The following KDM4B variants were observed in gnomAD, a reference collection of about 807,000 sequenced individuals.
KDM4B encodes lysine demethylase 4B.
KDM4B carries 32 observed loss-of-function variants against 125.2 expected under a neutral mutation model. The observed-to-expected ratio is 0.26, with a 90% CI of 0.19 to 0.34. The LOEUF is 0.34. Among genes scored for constraint, KDM4B ranks in the 10% least tolerant of loss-of-function variants. KDM4B has a pLI of 1.00. For synonymous variants in KDM4B, 721 were observed against 677.9 expected (o/e 1.06, Z -0.99); for missense variants, 1,190 against 1,577.7 (o/e 0.75, Z 4.16).
At chr19:4,991,151 C>T (rs1437718541) in intron 1 of KDM4B, among the ~76,000 whole-genome samples, 1 of 151,938 alleles carries the variant, frequency 6.6e-6, no homozygotes, top group Non-Finnish European at 1.5e-5. Context: ...AAAATAAAAA[C>T]ACTGTTATGG....
At chr19:5,047,862 C>G (rs1372970923) in intron 6 of KDM4B, among the ~76,000 whole-genome samples, 193 bp downstream of exon 6, 2 of 152,172 alleles carry the variant, frequency 1.3e-5, no homozygotes, top group Non-Finnish European at 2.9e-5. Context: ...ATGTGCACCC[C>G]CAGAGCCGAA....
At position 5,055,245 on chromosome 19, in the gene KDM4B, C is replaced by T. The variant is rs547329539; in HGVS notation, c.626+7576C>T. Reference sequence around the variant, plus strand: ...GGTGACCGGGAAACCCGGGGCACATCGGGGCACTCACCGGGGCTCCCACCG... The same window carrying T: ...GGTGACCGGGAAACCCGGGGCACATTGGGGCACTCACCGGGGCTCCCACCG... On this transcript the variant is annotated intron_variant, in intron 6 of 22. Transcript: ENST00000159111. Among the ~76,000 whole-genome samples, 76 of 152,326 alleles carry T rather than the reference C, an allele frequency of 5.0e-4. No homozygotes were observed. The South Asian group carries it at 8.3e-3, about 17-fold the overall frequency.
At chr19:5,021,335 C>A (rs1037708482) in intron 2 of KDM4B, among the ~76,000 whole-genome samples, 7 of 151,582 alleles carry the variant, frequency 4.6e-5, no homozygotes, top group African/African-American at 1.7e-4. Context: ...ATGCCTGTAA[C>A]CCCAGCACTT....
At chr19:5,131,638 G>GT in intron 12 of KDM4B, 93 bp downstream of exon 12, 1 of 634,920 alleles carries the variant, frequency 1.6e-6, no homozygotes, top group African/African-American at 1.9e-5. Flanking sequence ...GCTGGTGGCG[G>GT]GGGAGGGGGC....
At chr19:4,979,058 G>A (rs2034551190) in intron 1 of KDM4B, among the ~76,000 whole-genome samples, 1 of 152,166 alleles carries the variant, frequency 6.6e-6, no homozygotes, top group Non-Finnish European at 1.5e-5. Context: ...TGAGGTGGGA[G>A]GATCGGTGGA....
At chr19:5,044,946 T>C (rs1423130127) in intron 5 of KDM4B, among the ~76,000 whole-genome samples, 2 of 152,210 alleles carry the variant, frequency 1.3e-5, no homozygotes, top group Non-Finnish European at 2.9e-5. Context: ...TTTTCAGCGC[T>C]GAATAATACT....
intron 7 of KDM4B, chr19:5,076,127 T>A (rs1438144612): frequency 8.9e-6 from 1 of 112,132 alleles, no homozygotes; most frequent in African/African-American, 3.6e-5. Context: ...TCGTGCTCTC[T>A]CGTTGACCGA....
At chr19:5,014,513 G>C (rs1040044636) in intron 1 of KDM4B, among the ~76,000 whole-genome samples, 1 of 151,986 alleles carries the variant, frequency 6.6e-6, no homozygotes, top group Non-Finnish European at 1.5e-5. Flanking sequence ...CTGACCTTGT[G>C]ATCCACCCGC....
At chr19:5,007,649 G>A (rs1469598489) in intron 1 of KDM4B, among the ~76,000 whole-genome samples, 2 of 148,288 alleles carry the variant, frequency 1.3e-5, no homozygotes, top group East Asian at 2.0e-4. Context: ...AGGCTCAAGC[G>A]ATCCTCCCAC....
At chr19:5,056,823 C>G (rs1262342426) in intron 6 of KDM4B, among the ~76,000 whole-genome samples, 2 of 140,994 alleles carry the variant, frequency 1.4e-5, no homozygotes, top group African/African-American at 5.2e-5. Context: ...GCGGGGAGTC[C>G]TGGGGTGTCT....
intron 9 of KDM4B, among the ~76,000 whole-genome samples, chr19:5,096,481 G>T (rs1285718740): frequency 6.6e-6 from 1 of 152,144 alleles, no homozygotes; most frequent in African/African-American, 2.4e-5. Context: ...AGGTCTCCAC[G>T]GGCTTGGGCA....
At chr19:5,095,979 G>T (rs933253690) in intron 9 of KDM4B, among the ~76,000 whole-genome samples, 1 of 152,228 alleles carries the variant, frequency 6.6e-6, no homozygotes, top group East Asian at 1.9e-4. Context: ...GCAGGCTGCC[G>T]AAAAGTCAGC....
intron 6 of KDM4B, among the ~76,000 whole-genome samples, chr19:5,057,489 A>G (rs572261063): frequency 2.0e-4 from 30 of 152,264 alleles, no homozygotes; most frequent in Middle Eastern, 3.4e-3. Context: ...CGAAAGACCT[A>G]TCATCTCTTC....
At chr19:5,064,783 G>A (rs2037715060) in intron 6 of KDM4B, among the ~76,000 whole-genome samples, 1 of 152,214 alleles carries the variant, frequency 6.6e-6, no homozygotes, top group African/African-American at 2.4e-5. Context: ...GAGTCACCTG[G>A]TCGCTCTGGA....
intron 1 of KDM4B, among the ~76,000 whole-genome samples, chr19:4,984,667 C>T (rs2034767458): frequency 6.6e-6 from 1 of 152,160 alleles, no homozygotes; most frequent in Admixed American, 6.5e-5. Flanking sequence ...CTGCATGATG[C>T]CGCTGGGGCC....
Position 5,082,126 on chromosome 19 carries a change from C to T in KDM4B, c.781-241C>T, listed in dbSNP as rs911882701. On this transcript the variant is annotated intron_variant, in intron 8 of 22. Transcript: ENST00000159111. The surrounding 1 kb of genome is among the most constrained non-coding windows in gnomAD (Gnocchi z 5.4). ...AGGGGCTGCTGGGGCTGGAGGGGCC[C>T]GGCTGAGCCGAGTGGAGGTTGCAGA... Among the ~76,000 whole-genome samples the T allele has an allele frequency of 2.0e-5, 3 of 152,208 alleles. No homozygotes were observed. The highest frequency in any genetic ancestry group is 3.9e-4 in the East Asian group (2 of 5,184).
At chr19:5,138,363 G>A in intron 18 of KDM4B, 2 of 421,712 alleles carry the variant, frequency 4.7e-6, no homozygotes, top group Non-Finnish European at 4.3e-6. Flanking sequence ...AGCACCCCAT[G>A]CAGTTTCCAC....
intron 3 of KDM4B, among the ~76,000 whole-genome samples, chr19:5,036,776 C>T (rs2036640321): frequency 6.6e-6 from 1 of 152,266 alleles, no homozygotes; most frequent in Admixed American, 6.5e-5. Context: ...ACCCTCCCCG[C>T]CTGGAGCCCT....
At chr19:5,133,141 A>G (rs576077077) in intron 13 of KDM4B, among the ~76,000 whole-genome samples, 2 of 152,302 alleles carry the variant, frequency 1.3e-5, no homozygotes, top group African/African-American at 4.8e-5. Flanking sequence ...CTGTGTCCAC[A>G]GGAGATGCAG....
Sources: gnomAD v4.1 joint callset for allele counts (sites outside exome capture counted in the v4.1 genomes callset) on GRCh38, gnomAD v4.1.1 for gene constraint, Gnocchi (gnomAD v3.1) non-coding constraint, MANE v1.5 for transcripts, NCBI Gene and HGNC (gene_info 2026-07-23, HGNC 2026-07-21) for gene names.